CLDN19: variants seen among roughly 807,000 people sequenced by gnomAD.
The protein encoded by CLDN19 is claudin-19.
Under a neutral mutation model 24.5 loss-of-function variants are expected in CLDN19, and 19 were observed. The ratio of observed to expected loss-of-function variants is 0.78; its 90% confidence interval spans 0.54 to 1.14. The LOEUF (loss-of-function observed/expected upper bound fraction) is 1.14, where lower values mean the gene tolerates loss of function less well. Ranked by LOEUF, CLDN19 falls within the 50% of genes most tolerant of loss-of-function variation. CLDN19 has a pLI of 0.00. For missense variants in CLDN19, 250 were observed against 295.9 expected (o/e 0.84, Z 1.14); for synonymous variants, 117 against 129.6 (o/e 0.90, Z 0.66).
At chr1:42,737,392 C>T (rs1395043756) in intron 3 of CLDN19, among the ~76,000 whole-genome samples, 1 of 152,252 alleles carries the variant, frequency 6.6e-6, no homozygotes. Context: ...AGGCCCTCCA[C>T]GATCTGCCCT....
chr1:42,738,703 G>T, intron 1 of CLDN19, 118 bp from the exon 2 acceptor site: 1 of 897,498 alleles, frequency 1.1e-6, no homozygotes, highest in East Asian at 2.6e-5. Flanking sequence ...GGCCTGGGGG[G>T]TCAGACCACC....
chr1:42,736,336 AG>A (rs1399839732), intron 3 of CLDN19, among the ~76,000 whole-genome samples: 1 of 152,048 alleles, frequency 6.6e-6, no homozygotes, highest in Admixed American at 6.5e-5. Context: ...GGGGCATGGG[AG>A]GGCCTGAGAG....
chr1:42,738,343 C>T (rs1261489011), intron 2 of CLDN19, 30 bp from the exon 3 acceptor site: 1 of 1,613,390 alleles, frequency 6.2e-7, no homozygotes, highest in Admixed American at 1.7e-5. Context: ...GCGCTCAGCT[C>T]TGCTCTGGCC....
intron 1 of CLDN19, 101 bp from the exon 2 acceptor site, chr1:42,738,686 A>C (rs1456182858): frequency 3.3e-6 from 4 of 1,197,748 alleles, no homozygotes; most frequent in Admixed American, 2.0e-5. Flanking sequence ...GGGCTTGAGC[A>C]GGAGCTGGCC....
intron 1 of CLDN19, among the ~76,000 whole-genome samples, chr1:42,739,070 C>T (rs1289745868): frequency 3.9e-5 from 6 of 152,122 alleles, no homozygotes; most frequent in African/African-American, 7.2e-5. Context: ...TGCCTCTTCA[C>T]GGGTGCATGG....
chr1:42,738,811 G>GC (rs1050042481), intron 1 of CLDN19, among the ~76,000 whole-genome samples: 2 of 152,148 alleles, frequency 1.3e-5, no homozygotes, highest in Non-Finnish European at 2.9e-5. Flanking sequence ...TTCTCCACTC[G>GC]CCCTTGCAGG....
intron 3 of CLDN19, 28 bp from the exon 4 acceptor site, chr1:42,736,058 G>T: frequency 6.8e-7 from 1 of 1,466,184 alleles, no homozygotes; most frequent in East Asian, 2.4e-5. Flanking sequence ...AGTGGCATCA[G>T]GTGTGGCTGC....
At chr1:42,737,239 C>T (rs1353267819) in intron 3 of CLDN19, among the ~76,000 whole-genome samples, 4 of 152,184 alleles carry the variant, frequency 2.6e-5, no homozygotes, top group Non-Finnish European at 5.9e-5. Context: ...CTGCTCCCTC[C>T]CTGTTGCCCC....
chr1:42,737,001 C>T (rs760206089), intron 3 of CLDN19, among the ~76,000 whole-genome samples: 4 of 152,212 alleles, frequency 2.6e-5, no homozygotes, highest in Non-Finnish European at 4.4e-5. Flanking sequence ...AGGCATCCCT[C>T]CCGATTGCAA....
chr1:42,739,547 A>G (rs1268778786), intron 1 of CLDN19, among the ~76,000 whole-genome samples: 1 of 152,202 alleles, frequency 6.6e-6, no homozygotes, highest in Non-Finnish European at 1.5e-5. Context: ...AGGTATTAGT[A>G]TTCCCCTTTA....
chr1:42,736,262 A>C (rs1651369603), intron 3 of CLDN19, among the ~76,000 whole-genome samples: 1 of 151,720 alleles, frequency 6.6e-6, no homozygotes, highest in Non-Finnish European at 1.5e-5. Context: ...TGAAGGCTAG[A>C]GGCTGGGCCT....
Position 42,736,014 on chromosome 1 carries a change from C to A in CLDN19, c.490G>T (p.Ala164Ser). Residue 164 changes from alanine to serine, a missense_variant, in exon 4 of 5, where the codon GCC (alanine) becomes TCC (serine). Coordinates refer to ENST00000296387, the MANE Select transcript of CLDN19 (RefSeq NM_148960.3). ...GCTGAGGCCCAGCCCACGAACAGGG[C>A]TGGGCCAAATTCATACCTGCAAGGG... The part of the protein sequence containing the change: ...PVNARYEFGP[A>S]LFVGWASAGL... 6.3e-7 allele frequency: 1 copy of A among 1,575,578 alleles called. No individual in the cohort carries two copies. Among genetic ancestry groups the A allele is most frequent in the Non-Finnish European group, 8.6e-7 (1 of 1,161,944 alleles).
intron 3 of CLDN19, among the ~76,000 whole-genome samples, chr1:42,736,272 T>C (rs1206104860): frequency 6.6e-6 from 1 of 151,956 alleles, no homozygotes; most frequent in African/African-American, 2.4e-5. Context: ...AGGCTGGGCC[T>C]CCAGCTCCTG....
In CLDN19 at chr1:42,740,016, A is replaced by G; in HGVS notation, c.48T>C (p.Gly16=). The G allele has an allele frequency of 6.4e-7, 1 of 1,570,626 alleles. No homozygotes were observed. Among genetic ancestry groups the G allele is most frequent in the Non-Finnish European group, 8.6e-7 (1 of 1,157,586 alleles). Reference sequence around the variant, plus strand: ...TGCTAGCAATGATGCCCACCCAGCCACCCAGGGCCAAGAAGTAGCCCAGGA... The same window carrying G: ...TGCTAGCAATGATGCCCACCCAGCCGCCCAGGGCCAAGAAGTAGCCCAGGA... The part of the protein sequence containing the change: ...LQLLGYFLAL[G]GWVGIIASTA... The change falls in exon 1 of 5, where the codon GGT becomes GGC. Residue 16 remains glycine (G), a synonymous_variant. Transcript: ENST00000296387.
chr1:42,735,513 A>G (rs770205728), intron 4 of CLDN19: 42 of 1,413,646 alleles, frequency 3.0e-5, no homozygotes, highest in Non-Finnish European at 3.9e-5. Flanking sequence ...CCACTGCTCT[A>G]TCTCTAGGGC....
rs962614350 is a variant in CLDN19 at position 42,736,018 on chromosome 1, G to A, written c.486C>T (p.Gly162=). The A allele has an allele frequency of 6.3e-7, 1 of 1,574,944 alleles. No individual in the cohort carries two copies. The highest frequency in any genetic ancestry group is 8.6e-7 in the Non-Finnish European group (1 of 1,161,468). Residue 162 remains glycine, a synonymous_variant, in exon 4 of 5, where the codon GGC becomes GGT. Transcript: ENST00000296387. The part of the protein sequence containing the change: ...STPVNARYEF[G]PALFVGWASA... ...AGGCCCAGCCCACGAACAGGGCTGG[G>A]CCAAATTCATACCTGCAAGGGGTAG...
chr1:42,738,580 T>A lies in CLDN19; in HGVS notation c.229A>T (p.Ile77Phe). Residue 77 changes from isoleucine to phenylalanine, a missense_variant, in exon 2 of 5, where the codon ATC becomes TTC. Physicochemically the swap from Ile to Phe is conservative, Grantham distance 21. Coordinates refer to ENST00000296387, the MANE Select transcript of CLDN19 (RefSeq NM_148960.3). Reference protein sequence around the residue: ...YDSLLALDGHIQSARALMVVA... With the variant: ...YDSLLALDGHFQSARALMVVA... ...ACCATCAGGGCCCGCGCTGATTGGATGTGACCTAGGGTGGGCGGGATGACA... is the reference window on the plus strand; with the variant it reads ...ACCATCAGGGCCCGCGCTGATTGGAAGTGACCTAGGGTGGGCGGGATGACA... 1 of 1,613,548 alleles carries A rather than the reference T, an allele frequency of 6.2e-7. No individual in the cohort carries two copies. Among genetic ancestry groups the A allele is most frequent in the Non-Finnish European group, 8.5e-7 (1 of 1,179,940 alleles).
chr1:42,735,629 A>G lies in CLDN19; in HGVS notation c.626+249T>C, dbSNP rs536058712. ...CATGCTGGTGCCCACCAGGCTGTGC[A>G]GACAAGACCGTGCCTGGACCTGCAT... is the stretch of plus-strand genomic sequence containing the variant. On this transcript the variant is annotated intron_variant, in intron 4 of 4. Coordinates refer to ENST00000296387, the MANE Select transcript of CLDN19 (RefSeq NM_148960.3). 1.2e-3 allele frequency: 1,745 copies of G among 1,431,050 alleles called. 1 individual carries two copies. Among genetic ancestry groups the G allele is most frequent in the Non-Finnish European group, 1.2e-3 (1,324 of 1,096,576 alleles). The allele number at this position is 1,431,050 out of a possible 1,614,324, so 88.6% of individuals were successfully genotyped here.
intron 3 of CLDN19, among the ~76,000 whole-genome samples, chr1:42,737,338 G>A (rs1049801022): frequency 4.6e-5 from 7 of 152,298 alleles, no homozygotes; most frequent in South Asian, 2.1e-4. Context: ...AAGGACTGCC[G>A]CTGCCTCCAC....
Sources: gnomAD v4.1 joint callset for allele counts (sites outside exome capture counted in the v4.1 genomes callset) on GRCh38, gnomAD v4.1.1 for gene constraint, MANE v1.5 for transcripts, NCBI Gene and HGNC (gene_info 2026-07-23, HGNC 2026-07-21) for gene names.